Variants in KMT2B observed in about 807,000 individuals in gnomAD.
KMT2B encodes the protein lysine methyltransferase 2B.
KMT2B carries 22 observed loss-of-function variants against 255.3 expected under a neutral mutation model. That is an observed-to-expected ratio of 0.09 (90% CI 0.06 to 0.12). KMT2B has a LOEUF of 0.12. Ranked by LOEUF, KMT2B falls within the 10% of genes least tolerant of loss-of-function variation. The pLI is 1.00. For missense variants in KMT2B, 3,149 were observed against 3,737.0 expected, an observed-to-expected ratio of 0.84 and a Z score of 4.10; for synonymous variants, 1,730 against 1,498.1, an observed-to-expected ratio of 1.15 and a Z score of -3.57.
Position 35,727,150 on chromosome 19 carries a change from C to G in KMT2B, c.4004-6C>G, listed in dbSNP as rs375256866. 3 of 1,604,172 alleles carry G rather than the reference C, an allele frequency of 1.9e-6. No individual in the cohort carries two copies. The highest frequency in any genetic ancestry group is 2.6e-6 in the Non-Finnish European group (3 of 1,173,860). On this transcript the variant is annotated splice_region_variant and splice_polypyrimidine_tract_variant and intron_variant, in intron 14 of 36. Coordinates refer to ENST00000420124, the MANE Select transcript of KMT2B (RefSeq NM_014727.3). This position sits in a 1 kb window ranked among gnomAD's most constrained non-coding sequence, Gnocchi z 4.2. ...ACCTCTGACTCCTTCTCTTCCCTTT[C>G]TCTAGGAAACTACTGCCCGATCTGT...
Position 35,738,464 on chromosome 19 carries a change from G to A in KMT2B, c.8055G>A (p.Glu2685=), listed in dbSNP as rs1970006976. 1.2e-6 allele frequency: 2 copies of A among 1,614,080 alleles called. No individual in the cohort carries two copies. The highest frequency in any genetic ancestry group is 1.6e-4 in the Middle Eastern group (1 of 6,062). The change falls in exon 37 of 37, where the codon GAG becomes GAA. Residue 2685 remains glutamate, a synonymous_variant. Coordinates refer to ENST00000420124, the MANE Select transcript of KMT2B (RefSeq NM_014727.3). This position sits in a 1 kb window ranked among gnomAD's most constrained non-coding sequence, Gnocchi z 8.7. ...FALRRILRGE[E]LTYDYKFPIE... is the part of the protein sequence containing the mutation. ...TGCGCCGCATCCTGCGTGGTGAGGA[G>A]CTCACCTACGACTACAAGTTCCCCA...
In KMT2B at chr19:35,725,875, C is replaced by CA. The variant is rs1167666805; in HGVS notation, c.3885+60dup. 1 of 1,413,624 alleles carries CA rather than the reference C, an allele frequency of 7.1e-7. No homozygotes were observed. 87.6% of individuals were successfully genotyped at this position (1,413,624 alleles called of 1,614,324 possible). On this transcript the variant is annotated intron_variant, in intron 13 of 36. Coordinates refer to ENST00000420124, the MANE Select transcript of KMT2B (RefSeq NM_014727.3). This position sits in a 1 kb window ranked among gnomAD's most constrained non-coding sequence, Gnocchi z 4.1. ...CTCTAATGAATATCACCACCACCCC[C>CA]AAACTTGCTCTAGGCTGGGGCTCTC...
chr19:35,721,170 C>T lies in KMT2B; in HGVS notation c.1823C>T (p.Thr608Ile), dbSNP rs760631410. ...AGACGGTCCATCCTAAGGGAACCCA[C>T]ATTTCGCTGGACCTCACTGACCCGG... is the stretch of plus-strand genomic sequence containing the variant. ...EKRRSILREP[T>I]FRWTSLTREL... The change falls in exon 3 of 37, where the codon ACA (threonine) becomes ATA (isoleucine). Residue 608 changes from threonine to isoleucine, a missense_variant. Physicochemically the swap from Thr to Ile is moderately conservative, Grantham distance 89 (BLOSUM62 -1). This residue lies in a region of KMT2B where 1,188 missense variants were observed against 1,106.4 expected (regional missense o/e 1.07). Coordinates refer to ENST00000420124, the MANE Select transcript of KMT2B (RefSeq NM_014727.3). 4.5e-6 allele frequency: 7 copies of T among 1,569,318 alleles called. No individual in the cohort carries two copies. Among genetic ancestry groups the T allele is most frequent in the Non-Finnish European group, 6.0e-6 (7 of 1,158,470 alleles).
Position 35,726,234 on chromosome 19 carries a change from A to G in KMT2B, c.3886-2A>G. On this transcript the variant is annotated splice_acceptor_variant, in intron 13 of 36. Transcript: ENST00000420124. LOFTEE classifies it high-confidence loss of function. ...TCCCCTAACATCGCCCTGCTCCCCC[A>G]GATCTGTTCAGCCTGTGTGCGCTGT... 6.2e-7 allele frequency: 1 copy of G among 1,611,984 alleles called. No individual in the cohort carries two copies. Among genetic ancestry groups the G allele is most frequent in the Non-Finnish European group, 8.5e-7 (1 of 1,178,438 alleles).
Position 35,725,586 on chromosome 19 carries a change from A to G in KMT2B, c.3750A>G (p.Lys1250=), listed in dbSNP as rs1969401959. ...ACACCTGGTGCTGCCGTCGCTGCAA[A>G]TTCTGCCACGTCTGTGGACGCAAAG... ...HHDTWCCRRC[K]FCHVCGRKGR... is the part of the protein sequence containing the mutation. The change falls in exon 12 of 37, where the codon AAA becomes AAG. Residue 1250 remains lysine, a synonymous_variant. Transcript: ENST00000420124. The surrounding 1 kb of genome is among the most constrained non-coding windows in gnomAD (Gnocchi z 4.1). The G allele has an allele frequency of 6.2e-7, 1 of 1,610,328 alleles. No homozygotes were observed. The highest frequency in any genetic ancestry group is 8.5e-7 in the Non-Finnish European group (1 of 1,179,878).
rs763649249 is a variant in KMT2B at position 35,729,262 on chromosome 19, A to G, written c.4883A>G (p.Asn1628Ser). The G allele has an allele frequency of 6.2e-7, 1 of 1,603,472 alleles. No homozygotes were observed. Among genetic ancestry groups the G allele is most frequent in the Non-Finnish European group, 8.5e-7 (1 of 1,175,176 alleles). The change falls in exon 22 of 37, where the codon AAT (asparagine) becomes AGT (serine). Residue 1628 changes from asparagine to serine, a missense_variant. Asn to Ser is a conservative substitution (Grantham distance 46, BLOSUM62 1). Transcript: ENST00000420124. ...GAGGAGAACGACGGCTCCCTCAAGA[A>G]TGTGCATGCTGCTGTGGCCCGAGGG... Reference protein sequence around the residue: ...VFEENDGSLKNVHAAVARGRQ... With the variant: ...VFEENDGSLKSVHAAVARGRQ...
Position 35,737,993 on chromosome 19 carries a change from C to T in KMT2B, c.7742+51C>T. 6.2e-7 allele frequency: 1 copy of T among 1,610,964 alleles called. No individual in the cohort carries two copies. Among genetic ancestry groups the T allele is most frequent in the Admixed American group, 1.7e-5 (1 of 59,508 alleles). On this transcript the variant is annotated intron_variant, in intron 35 of 36. Coordinates refer to ENST00000420124, the MANE Select transcript of KMT2B (RefSeq NM_014727.3). This position sits in a 1 kb window ranked among gnomAD's most constrained non-coding sequence, Gnocchi z 5.3. ...CCCCTTGGGTGGACGGACAGGTGCA[C>T]TGGGTAGGGGGTACTGTCTGGTTTC...
Position 35,725,747 on chromosome 19 carries a change from C to T in KMT2B, c.3814C>T (p.Arg1272Cys), listed in dbSNP as rs1271853220. 2 of 1,606,520 alleles carry T rather than the reference C, an allele frequency of 1.2e-6. No individual in the cohort carries two copies. The highest frequency in any genetic ancestry group is 1.7e-5 in the Admixed American group (1 of 58,518). ...GCACCTCCTGGAGTGCGAGCGCTGC[C>T]GCCATGCATACCACCCGGCCTGTCT... ...SKHLLECERC[R>C]HAYHPACLGP... The change falls in exon 13 of 37, where the codon CGC (arginine) becomes TGC (cysteine). Residue 1272 changes from arginine (R) to cysteine (C), a missense_variant. Physicochemically the swap from Arg to Cys is radical, Grantham distance 180. Coordinates refer to ENST00000420124, the MANE Select transcript of KMT2B (RefSeq NM_014727.3). The surrounding 1 kb of genome is among the most constrained non-coding windows in gnomAD (Gnocchi z 4.1).
Position 35,732,493 on chromosome 19 carries a change from G to C in KMT2B, c.5944G>C (p.Val1982Leu). The stretch of plus-strand genomic sequence containing the variant: ...GGGCCCAGACTTCGAGGACATGGAG[G>C]TGGTGTCAGGACTGAGTGCTGCTGA... ...DLGPDFEDMEVVSGLSAADLD... is the reference protein window; with the variant it reads ...DLGPDFEDMELVSGLSAADLD... The change falls in exon 28 of 37, where the codon GTG (valine) becomes CTG (leucine). Residue 1982 changes from valine (V) to leucine (L), a missense_variant. Transcript: ENST00000420124. The C allele has an allele frequency of 6.2e-7, 1 of 1,613,956 alleles. No homozygotes were observed. Among genetic ancestry groups the C allele is most frequent in the South Asian group, 1.1e-5 (1 of 91,088 alleles).
Position 35,738,191 on chromosome 19 carries a change from G to A in KMT2B, c.7872G>A (p.Lys2624=). The A allele has an allele frequency of 6.2e-7, 1 of 1,613,870 alleles. No homozygotes were observed. Among genetic ancestry groups the A allele is most frequent in the Non-Finnish European group, 8.5e-7 (1 of 1,179,840 alleles). ...AGCGGGAGAAGTTCTACGATGGGAAGGTGGGCTCCCAGTGGCTGTGGGAAG... is the reference window on the plus strand; with the variant it reads ...AGCGGGAGAAGTTCTACGATGGGAAAGTGGGCTCCCAGTGGCTGTGGGAAG... ...TDKREKFYDG[K]GIGCYMFRMD... The change falls in exon 36 of 37, where the codon AAG becomes AAA. Residue 2624 remains lysine, a splice_region_variant and synonymous_variant. Coordinates refer to ENST00000420124, the MANE Select transcript of KMT2B (RefSeq NM_014727.3). The surrounding 1 kb of genome is among the most constrained non-coding windows in gnomAD (Gnocchi z 8.7).
At chr19:35,726,493 C>T (rs911031970) in intron 14 of KMT2B, 140 bp downstream of exon 14, 7 of 658,926 alleles carry the variant, frequency 1.1e-5, no homozygotes, top group East Asian at 8.3e-5. Flanking sequence ...TCAGGGAACT[C>T]TTCCACAGGA....
At chr19:35,730,681 C>T in intron 25 of KMT2B, 26 bp from the exon 26 acceptor site, 3 of 1,613,956 alleles carry the variant, frequency 1.9e-6, no homozygotes, top group Non-Finnish European at 2.5e-6. Context: ...TCCCAAGCAT[C>T]CTAACCGTCT....
Position 35,733,018 on chromosome 19 carries a change from G to C in KMT2B, c.6469G>C (p.Ala2157Pro). The change falls in exon 28 of 37, where the codon GCT becomes CCT. Residue 2157 changes from alanine to proline, a missense_variant. Transcript: ENST00000420124. This position sits in a 1 kb window ranked among gnomAD's most constrained non-coding sequence, Gnocchi z 4.3. ...CTCCCAAGGCCTGACCGCCAGCCCA[G>C]CTGACCCCACCCGCACATTTGCCTG... ...QPSQGLTASP[A>P]DPTRTFAWLP... The C allele has an allele frequency of 6.3e-7, 1 of 1,594,036 alleles. No homozygotes were observed. The highest frequency in any genetic ancestry group is 8.5e-7 in the Non-Finnish European group (1 of 1,170,766).
At position 35,721,638 on chromosome 19, in the gene KMT2B, C is replaced by A. The variant is rs144673174; in HGVS notation, c.2291C>A (p.Pro764Gln). 412 of 1,611,170 alleles carry A rather than the reference C, an allele frequency of 2.6e-4. 3 individuals carry two copies. In the South Asian group the frequency reaches 4.3e-3, roughly 17 times the overall value. Residue 764 changes from proline to glutamine, a missense_variant, in exon 3 of 37, where the codon CCG becomes CAG. By Grantham distance (76) the Pro-to-Gln change is moderately conservative (BLOSUM62 -1). Around this residue, in one of 18 missense-constraint regions of KMT2B, gnomAD observed 1,188 missense variants for 1,106.4 expected, o/e 1.07. Transcript: ENST00000420124. Reference protein sequence around the residue: ...PPPQPQLQPPPSPQQMPPLEK... With the variant: ...PPPQPQLQPPQSPQQMPPLEK... The stretch of plus-strand genomic sequence containing the variant: ...CCACAGCCACAGCTGCAGCCACCGC[C>A]GTCACCACAGCAGATGCCTCCCCTG...
chr19:35,732,712 G>A lies in KMT2B; in HGVS notation c.6163G>A (p.Ala2055Thr). ...PGLAPSATPG[A>T]PRIEQLDGVD... The stretch of plus-strand genomic sequence containing the variant: ...TCTGGCCCCCAGCGCTACCCCTGGA[G>A]CCCCCCGCATTGAACAGCTGGACGG... The change falls in exon 28 of 37, where the codon GCC (alanine) becomes ACC (threonine). Residue 2055 changes from alanine to threonine, a missense_variant. Physicochemically the swap from Ala to Thr is moderately conservative, Grantham distance 58. Transcript: ENST00000420124. 1 of 1,609,524 alleles carries A rather than the reference G, an allele frequency of 6.2e-7. No individual in the cohort carries two copies. The highest frequency in any genetic ancestry group is 8.5e-7 in the Non-Finnish European group (1 of 1,178,298).
chr19:35,728,137 C>A lies in KMT2B; in HGVS notation c.4537C>A (p.Pro1513Thr), dbSNP rs1018216165. The A allele has an allele frequency of 2.5e-6, 4 of 1,600,614 alleles. No homozygotes were observed. Among genetic ancestry groups the A allele is most frequent in the Non-Finnish European group, 3.4e-6 (4 of 1,174,148 alleles). Residue 1513 changes from proline to threonine, a missense_variant, in exon 19 of 37, where the codon CCC becomes ACC. Pro to Thr is a conservative substitution (Grantham distance 38). This residue lies in a region of KMT2B where 377 missense variants were observed against 471.0 expected (regional missense o/e 0.80). Coordinates refer to ENST00000420124, the MANE Select transcript of KMT2B (RefSeq NM_014727.3). The part of the protein sequence containing the change: ...SAFGWFDAHD[P>T]KYWRRSTRLP... ...GTTCGGCTGGTTCGACGCCCACGAC[C>A]CCAAGTACTGGCGACGGAGTACCCG...
chr19:35,725,201 G>T lies in KMT2B; in HGVS notation c.3529-19G>T, dbSNP rs776416508. 1.2e-6 allele frequency: 2 copies of T among 1,604,606 alleles called. No individual in the cohort carries two copies. Among genetic ancestry groups the T allele is most frequent in the Non-Finnish European group, 1.7e-6 (2 of 1,172,176 alleles). The stretch of plus-strand genomic sequence containing the variant: ...GTATGCCTGGCGGCCCTCTGATCCT[G>T]CATCCTCTCTTCCCCCAGGAGGATT... On this transcript the variant is annotated intron_variant, in intron 10 of 36. Transcript: ENST00000420124. This position sits in a 1 kb window ranked among gnomAD's most constrained non-coding sequence, Gnocchi z 4.1.
chr19:35,732,146 G>A lies in KMT2B; in HGVS notation c.5665+11G>A, dbSNP rs113821194. The A allele has an allele frequency of 6.3e-7, 1 of 1,579,398 alleles. No homozygotes were observed. The highest frequency in any genetic ancestry group is 8.6e-7 in the Non-Finnish European group (1 of 1,161,882). ...CCCTGCCCTCCCCTGGTGAGCACCGGGCATGTGGGGGTTGGGGGTGGAGCC... is the reference window on the plus strand; with the variant it reads ...CCCTGCCCTCCCCTGGTGAGCACCGAGCATGTGGGGGTTGGGGGTGGAGCC... On this transcript the variant is annotated intron_variant, in intron 27 of 36. Coordinates refer to ENST00000420124, the MANE Select transcript of KMT2B (RefSeq NM_014727.3).
At chr19:35,729,888 C>A in intron 22 of KMT2B, 79 bp from the exon 23 acceptor site, 1 of 1,405,654 alleles carries the variant, frequency 7.1e-7, no homozygotes, top group Non-Finnish European at 9.7e-7. Flanking sequence ...GACAGGGACC[C>A]ATGCAGACTC....
Sources: gnomAD v4.1 joint callset for allele counts on GRCh38, gnomAD v4.1.1 for gene constraint, gnomAD v4.1.1 regional missense constraint, Gnocchi (gnomAD v3.1) non-coding constraint, MANE v1.5 for transcripts, NCBI Gene and HGNC (gene_info 2026-07-23, HGNC 2026-07-21) for gene names.